The following GLIS1 variants were observed in gnomAD, a reference collection of about 807,000 sequenced individuals.
The protein encoded by GLIS1 is GLIS family zinc finger 1.
GLIS1 carries 24 observed loss-of-function variants against 63.8 expected under a neutral mutation model. That is an observed-to-expected ratio of 0.38 (90% confidence interval 0.27 to 0.53). The LOEUF is 0.53. Among genes scored for constraint, GLIS1 ranks in the 20% least tolerant of loss-of-function variants. The pLI, the probability that GLIS1 is intolerant of heterozygous loss-of-function variation, is 0.85. For missense variants in GLIS1, 1,036 were observed against 1,074.1 expected (o/e 0.96, Z 0.50); for synonymous variants, 450 against 482.5 (o/e 0.93, Z 0.88).
chr1:53,515,079 ATGTGTGTG>A (rs5774151), intron 7 of GLIS1, among the ~76,000 whole-genome samples: 2,384 of 141,020 alleles, frequency 0.017, 24 homozygotes, highest in African/African-American at 0.024. Flanking sequence ...GTGTGTGTAT[ATGTGTGTG>A]TGTGTGTGTG....
chr1:53,683,604 G>A (rs1237564278), intron 2 of GLIS1, among the ~76,000 whole-genome samples: 2 of 152,042 alleles, frequency 1.3e-5, no homozygotes, highest in African/African-American at 2.4e-5. Context: ...ATGCATCAAG[G>A]ACGTTAGCAG....
At chr1:53,534,537 G>A (rs1644563394) in intron 4 of GLIS1, among the ~76,000 whole-genome samples, 1 of 151,988 alleles carries the variant, frequency 6.6e-6, no homozygotes, top group South Asian at 2.1e-4. Flanking sequence ...CTGTGCCAGG[G>A]GCACTGAGCC....
intron 2 of GLIS1, among the ~76,000 whole-genome samples, chr1:53,686,530 C>T (rs1646338568): frequency 6.6e-6 from 1 of 152,172 alleles, no homozygotes; most frequent in South Asian, 2.1e-4. Flanking sequence ...CCTGGAGGCA[C>T]AGATGAATCA....
At chr1:53,636,248 T>C (rs973392217) in intron 2 of GLIS1, among the ~76,000 whole-genome samples, 7 of 152,192 alleles carry the variant, frequency 4.6e-5, no homozygotes, top group Non-Finnish European at 1.0e-4. Context: ...AAATACATCA[T>C]GACCAAGTCA....
chr1:53,712,688 T>A (rs1406190720), intron 2 of GLIS1, among the ~76,000 whole-genome samples: 1 of 152,112 alleles, frequency 6.6e-6, no homozygotes. Context: ...TGAGAACCAC[T>A]CCATAAGGCT....
intron 4 of GLIS1, among the ~76,000 whole-genome samples, chr1:53,590,038 G>A (rs1281459335): frequency 1.3e-5 from 2 of 152,148 alleles, no homozygotes; most frequent in African/African-American, 4.8e-5. Flanking sequence ...GCTCTTTTGA[G>A]CCACAGTTTC....
At chr1:53,688,785 GA>G (rs1187446279) in intron 2 of GLIS1, 2 of 152,208 alleles carry the variant, frequency 1.3e-5, no homozygotes, top group African/African-American at 4.8e-5. Context: ...AAACCTGCCA[GA>G]AAAATTCTAA....
chr1:53,567,270 T>G (rs913525847), intron 4 of GLIS1, among the ~76,000 whole-genome samples: 4 of 152,218 alleles, frequency 2.6e-5, no homozygotes, highest in African/African-American at 9.6e-5. Flanking sequence ...AACTTTGAAT[T>G]TGAAAGAGAT....
intron 2 of GLIS1, among the ~76,000 whole-genome samples, chr1:53,685,172 C>T (rs530771717): frequency 3.3e-5 from 5 of 152,308 alleles, no homozygotes; most frequent in Middle Eastern, 3.4e-3. Flanking sequence ...GGTGTCCTGG[C>T]TGACCTCTGC....
intron 4 of GLIS1, among the ~76,000 whole-genome samples, chr1:53,550,518 G>A (rs1644747407): frequency 6.6e-6 from 1 of 152,190 alleles, no homozygotes; most frequent in Non-Finnish European, 1.5e-5. Context: ...GAGGCTGGAG[G>A]TCAGACTAGT....
At chr1:53,630,716 C>T (rs1272672565) in intron 2 of GLIS1, among the ~76,000 whole-genome samples, 3 of 152,118 alleles carry the variant, frequency 2.0e-5, no homozygotes, top group Non-Finnish European at 2.9e-5. Context: ...AGCCTGGTCT[C>T]GAACTCCAGA....
chr1:53,517,394 C>T (rs191257043), intron 7 of GLIS1, among the ~76,000 whole-genome samples: 46 of 152,302 alleles, frequency 3.0e-4, no homozygotes, highest in African/African-American at 1.0e-3. Context: ...GTGCCTCAAG[C>T]GGTGTTTGTG....
Position 53,600,141 on chromosome 1 carries a change from G to C in GLIS1, c.397C>G (p.Gln133Glu), listed in dbSNP as rs141617088. ...AAATGCAGCAGCCTCTCACAAGCTTGGGGGTGAGCCCGGGGCGGTGGGCTT... is the reference window on the plus strand; with the variant it reads ...AAATGCAGCAGCCTCTCACAAGCTTCGGGGTGAGCCCGGGGCGGTGGGCTT... The part of the protein sequence containing the change: ...AGSPPPRAHP[Q>E]ACERLLHFPH... Residue 133 changes from glutamine (Q) to glutamate (E), a missense_variant, in exon 3 of 11, where the codon CAA (glutamine) becomes GAA (glutamate). Coordinates refer to ENST00000628545, the MANE Select transcript of GLIS1 (RefSeq NM_001367484.1). The C allele has an allele frequency of 1.2e-3, 1,493 of 1,231,362 alleles. 2 individuals are homozygous for C. Among genetic ancestry groups the C allele is most frequent in the Non-Finnish European group, 1.4e-3 (1,430 of 987,188 alleles). 76.3% of individuals were successfully genotyped at this position (1,231,362 alleles called of 1,614,324 possible).
chr1:53,638,729 C>T (rs1645753993), intron 2 of GLIS1, among the ~76,000 whole-genome samples: 1 of 152,166 alleles, frequency 6.6e-6, no homozygotes, highest in Non-Finnish European at 1.5e-5. Flanking sequence ...ACCCTAGAAC[C>T]CCCCACACCC....
At chr1:53,537,073 G>T (rs753343414) in intron 4 of GLIS1, among the ~76,000 whole-genome samples, 3 of 152,234 alleles carry the variant, frequency 2.0e-5, no homozygotes, top group Non-Finnish European at 4.4e-5. Context: ...TTACTGCTGC[G>T]TGCCGCTCAC....
intron 2 of GLIS1, among the ~76,000 whole-genome samples, chr1:53,733,591 T>G (rs925913226): frequency 6.6e-6 from 1 of 152,226 alleles, no homozygotes; most frequent in African/African-American, 2.4e-5. Flanking sequence ...CCCGAGATTC[T>G]TAGGGAATCT....
At chr1:53,714,107 T>C (rs910493917) in intron 2 of GLIS1, among the ~76,000 whole-genome samples, 3 of 152,224 alleles carry the variant, frequency 2.0e-5, no homozygotes, top group African/African-American at 7.2e-5. Flanking sequence ...GCAATGGGGT[T>C]TTGTTGTTAG....
chr1:53,735,793 C>A (rs1646906676), intron 2 of GLIS1, among the ~76,000 whole-genome samples: 1 of 152,046 alleles, frequency 6.6e-6, no homozygotes, highest in South Asian at 2.1e-4. Context: ...TAAGAAGGTG[C>A]CGTTTCCTCG....
chr1:53,621,105 C>G (rs1034708546), intron 2 of GLIS1, among the ~76,000 whole-genome samples: 4 of 152,220 alleles, frequency 2.6e-5, no homozygotes, highest in African/African-American at 9.7e-5. Context: ...GGTAACCTAA[C>G]CTCTCTGTGC....
Sources: allele counts gnomAD v4.1 joint callset (sites outside exome capture counted in the v4.1 genomes callset), GRCh38; gene constraint gnomAD v4.1.1; transcripts MANE v1.5; gene names NCBI Gene and HGNC (gene_info 2026-07-23, HGNC 2026-07-21).